The following PHC2 variants were observed in gnomAD, a reference collection of about 807,000 sequenced individuals.
The protein encoded by PHC2 is polyhomeotic-like protein 2.
In PHC2, 29 loss-of-function variants were observed where a neutral mutation model predicts 87.4. The observed-to-expected ratio is 0.33, with a 90% CI of 0.25 to 0.45. The LOEUF (loss-of-function observed/expected upper bound fraction) is 0.45. Ranked by LOEUF, PHC2 falls within the 20% of genes least tolerant of loss-of-function variation. The probability of loss-of-function intolerance (pLI) is 1.00; values close to 1 mark genes in which losing one functional copy is unlikely to be tolerated. For missense variants in PHC2, 857 were observed against 1,136.7 expected (o/e 0.75, Z 3.54); for synonymous variants, 438 against 461.7 (o/e 0.95, Z 0.66).
rs935741393 is a variant in PHC2 at position 33,368,196 on chromosome 1, G to A, written c.663+340C>T. Among the ~76,000 whole-genome samples the A allele has an allele frequency of 3.9e-5, 6 of 152,192 alleles. No individual in the cohort carries two copies. The highest frequency in any genetic ancestry group is 1.3e-4 in the Admixed American group (2 of 15,286). On this transcript the variant is annotated intron_variant, in intron 6 of 14. Transcript: ENST00000683057. This position sits in a 1 kb window ranked among gnomAD's most constrained non-coding sequence, Gnocchi z 6.6. ...CAGCACTACCGTGTGTAACCGGAGC[G>A]GGACTTTCCACTTATGAAGCAGCAG...
rs1647294186 is a variant in PHC2 at position 33,364,126 on chromosome 1, TG to T, written c.976+2989del. ...GGAGCTTGCCATGGGGGAGGGGCTT[TG>T]CCCCCAAACAGCTGTCAGTGGGAGC... On this transcript the variant is annotated intron_variant, in intron 7 of 14. Coordinates refer to ENST00000683057, the MANE Select transcript of PHC2 (RefSeq NM_001385109.1). This position sits in a 1 kb window ranked among gnomAD's most constrained non-coding sequence, Gnocchi z 4.1. Among the ~76,000 whole-genome samples, 2 of 152,132 alleles carry T rather than the reference TG, an allele frequency of 1.3e-5. No homozygotes were observed. The highest frequency in any genetic ancestry group is 3.9e-4 in the East Asian group (2 of 5,136).
chr1:33,347,116 AAG>A, intron 9 of PHC2: 2 of 985,526 alleles, frequency 2.0e-6, no homozygotes, highest in Non-Finnish European at 1.2e-6. Flanking sequence ...TGGTCTGAAA[AAG>A]AGTGGATTCT....
intron 1 of PHC2, among the ~76,000 whole-genome samples, chr1:33,395,015 A>G (rs943648640): frequency 6.6e-5 from 10 of 152,254 alleles, no homozygotes; most frequent in African/African-American, 2.2e-4. Flanking sequence ...ATGAAAACAT[A>G]TGTTCATAAA....
chr1:33,372,300 C>G lies in PHC2; in HGVS notation c.322G>C (p.Ala108Pro). ...TTCCCAAGTCTCACCTGCTGTACGG[C>G]TGCCAGGCTCTGGAGCTGGGCGCTG... ...LSSAQLQSLA[A>P]VQQASLVSNR... The change falls in exon 3 of 15, where the codon GCC becomes CCC. Residue 108 changes from alanine to proline, a missense_variant. Ala to Pro is a conservative substitution (Grantham distance 27). Transcript: ENST00000683057. 1 of 1,569,092 alleles carries G rather than the reference C, an allele frequency of 6.4e-7. No individual in the cohort carries two copies. Among genetic ancestry groups the G allele is most frequent in the Non-Finnish European group, 8.7e-7 (1 of 1,152,796 alleles).
rs977074561 is a variant in PHC2 at position 33,344,918 on chromosome 1, C to T, written c.1558+9483G>A. Among the ~76,000 whole-genome samples the T allele has an allele frequency of 4.6e-5, 7 of 151,856 alleles. No individual in the cohort carries two copies. In the East Asian group the frequency reaches 1.4e-3, roughly 29 times the overall value. ...CCAATTTTTTTTTTTAAAGTAGTTG[C>T]TTCATATTAGTTTTGTTTTAATTTA... On this transcript the variant is annotated intron_variant, in intron 9 of 14. Coordinates refer to ENST00000683057, the MANE Select transcript of PHC2 (RefSeq NM_001385109.1).
At position 33,354,398 on chromosome 1, in the gene PHC2, T is replaced by TA; in HGVS notation, c.1558+2dup. The TA allele has an allele frequency of 6.2e-7, 1 of 1,611,326 alleles. No individual in the cohort carries two copies. Among genetic ancestry groups the TA allele is most frequent in the Non-Finnish European group, 8.5e-7 (1 of 1,178,780 alleles). On this transcript the variant is annotated splice_region_variant and intron_variant, in intron 9 of 14. Transcript: ENST00000683057. The stretch of plus-strand genomic sequence containing the variant: ...TCCCCCAGGGCCCCACTGTGCTTCA[T>TA]ACCGTGAGCTGGGGACGGCTGGATG...
intron 1 of PHC2, among the ~76,000 whole-genome samples, chr1:33,420,331 G>A (rs1165755946): frequency 6.6e-6 from 1 of 152,134 alleles, no homozygotes. Flanking sequence ...CAAACTTTGG[G>A]GGAGGGAAAC....
At chr1:33,367,053 TCTC>T in intron 7 of PHC2, 60 bp downstream of exon 7, 6 of 1,384,958 alleles carry the variant, frequency 4.3e-6, no homozygotes, top group Non-Finnish European at 6.0e-6. Context: ...AGTGTGAAAG[TCTC>T]CTCCTGACTC....
chr1:33,337,634 C>T (rs540173374), intron 9 of PHC2, among the ~76,000 whole-genome samples: 6 of 152,292 alleles, frequency 3.9e-5, no homozygotes, highest in East Asian at 1.9e-4. Context: ...TGCTAGCTTA[C>T]GAGAAAATGC....
In PHC2 at chr1:33,375,445, CTGT is replaced by C. The variant is rs1648122927; in HGVS notation, c.92_94del (p.Asn31del). 3.7e-6 allele frequency: 6 copies of C among 1,612,502 alleles called. No homozygotes were observed. The highest frequency in any genetic ancestry group is 5.1e-6 in the Non-Finnish European group (6 of 1,179,374). ...GGGGCGGCCACTTCCACCACTGCTGCTGTTGTTGCAGCCACTGCTGCTACTGGC... is the reference window on the plus strand; with the variant it reads ...GGGGCGGCCACTTCCACCACTGCTGCTGTTGCAGCCACTGCTGCTACTGGC... On this transcript the variant is annotated inframe_deletion, in exon 2 of 15. Transcript: ENST00000683057.
chr1:33,343,099 T>C (rs1350513999), intron 9 of PHC2, among the ~76,000 whole-genome samples: 5 of 152,120 alleles, frequency 3.3e-5, no homozygotes, highest in African/African-American at 9.7e-5. Context: ...AAATATTATA[T>C]ATGTAAAATG....
chr1:33,341,140 C>T (rs1213689980), intron 9 of PHC2, among the ~76,000 whole-genome samples: 2 of 152,190 alleles, frequency 1.3e-5, no homozygotes, highest in Non-Finnish European at 2.9e-5. Context: ...GGCCTGTTTC[C>T]TCATCTATGA....
At chr1:33,414,746 A>G (rs971961367) in intron 1 of PHC2, among the ~76,000 whole-genome samples, 1 of 152,222 alleles carries the variant, frequency 6.6e-6, no homozygotes, top group African/African-American at 2.4e-5. Context: ...TCCTGTTTTT[A>G]ATTTATCACG....
chr1:33,389,398 G>T (rs1289359747), intron 1 of PHC2, among the ~76,000 whole-genome samples: 1 of 152,206 alleles, frequency 6.6e-6, no homozygotes, highest in African/African-American at 2.4e-5. Context: ...ATAAACAGGA[G>T]TATAACTTGA....
intron 1 of PHC2, among the ~76,000 whole-genome samples, chr1:33,404,617 G>A (rs1258154385): frequency 1.3e-5 from 2 of 151,358 alleles, no homozygotes; most frequent in Non-Finnish European, 2.9e-5. Flanking sequence ...TTCCCTCATG[G>A]CCTACCTCTC....
intron 3 of PHC2, among the ~76,000 whole-genome samples, chr1:33,371,962 A>G (rs986834999): frequency 6.6e-6 from 1 of 152,236 alleles, no homozygotes; most frequent in Non-Finnish European, 1.5e-5. Flanking sequence ...GACAAGCTAA[A>G]CAGGCAGTGC....
intron 7 of PHC2, chr1:33,363,684 A>G: frequency 1.1e-6 from 1 of 918,958 alleles, no homozygotes; most frequent in Non-Finnish European, 1.3e-6. Context: ...ACAACCCGAC[A>G]GTTCCCTTTT....
intron 1 of PHC2, among the ~76,000 whole-genome samples, chr1:33,415,031 G>A (rs536994654): frequency 3.3e-5 from 5 of 152,282 alleles, no homozygotes; most frequent in African/African-American, 9.6e-5. Flanking sequence ...CTAAGAAAAG[G>A]GACACAAAGT....
intron 9 of PHC2, among the ~76,000 whole-genome samples, chr1:33,348,671 G>A (rs538461644): frequency 6.6e-6 from 1 of 152,172 alleles, no homozygotes; most frequent in Non-Finnish European, 1.5e-5. Flanking sequence ...ATGGAGAGGG[G>A]ATTAAAGATC....
Sources: allele counts gnomAD v4.1 joint callset (sites outside exome capture counted in the v4.1 genomes callset), GRCh38; gene constraint gnomAD v4.1.1; non-coding constraint Gnocchi (gnomAD v3.1); transcripts MANE v1.5; gene names NCBI Gene and HGNC (gene_info 2026-07-23, HGNC 2026-07-21).